PLXDC2: variants seen among roughly 807,000 people sequenced by gnomAD.
PLXDC2 encodes the protein plexin domain-containing protein 2.
A neutral mutation model predicts 68.9 loss-of-function variants in PLXDC2; 40 were observed. The observed-to-expected ratio is 0.58, with a 90% CI of 0.45 to 0.76. The LOEUF (loss-of-function observed/expected upper bound fraction) is 0.76. Ranked by LOEUF, PLXDC2 falls within the 30% of genes least tolerant of loss-of-function variation. The pLI, the probability that PLXDC2 is intolerant of heterozygous loss-of-function variation, is 0.00. For missense variants in PLXDC2, 644 were observed against 661.9 expected (o/e 0.97, Z 0.30); for synonymous variants, 243 against 234.2 (o/e 1.04, Z -0.34).
At chr10:20,012,300 TCTC>T (rs1471984243) in intron 2 of PLXDC2, among the ~76,000 whole-genome samples, 88 of 115,600 alleles carry the variant, frequency 7.6e-4, no homozygotes, top group African/African-American at 1.4e-3. Flanking sequence ...TCTCTCTCTC[TCTC>T]TTTTTTATTT....
intron 1 of PLXDC2, among the ~76,000 whole-genome samples, chr10:19,830,704 C>T (rs1275391103): frequency 6.6e-6 from 1 of 151,666 alleles, no homozygotes; most frequent in African/African-American, 2.4e-5. Flanking sequence ...CTCAGGCTAA[C>T]TGGTCTTTCT....
chr10:19,952,592 C>T (rs1028252797), intron 1 of PLXDC2, among the ~76,000 whole-genome samples: 3 of 152,184 alleles, frequency 2.0e-5, no homozygotes, highest in Non-Finnish European at 4.4e-5. Context: ...GCATGCCAGA[C>T]TTATTCAGAG....
At chr10:20,155,398 G>T (rs1345109548) in intron 6 of PLXDC2, among the ~76,000 whole-genome samples, 1 of 152,188 alleles carries the variant, frequency 6.6e-6, no homozygotes, top group Non-Finnish European at 1.5e-5. Context: ...TGCTACATCT[G>T]TGAGAATACT....
intron 1 of PLXDC2, among the ~76,000 whole-genome samples, chr10:19,835,378 A>AT (rs1836770607): frequency 6.6e-6 from 1 of 152,184 alleles, no homozygotes; most frequent in Non-Finnish European, 1.5e-5. Flanking sequence ...CAGGCTTCAG[A>AT]TAAGAGGAGG....
At chr10:19,907,797 C>T (rs553719482) in intron 1 of PLXDC2, among the ~76,000 whole-genome samples, 7 of 152,250 alleles carry the variant, frequency 4.6e-5, no homozygotes, top group South Asian at 2.1e-4. Flanking sequence ...AAAGGGGTAT[C>T]GGACTGGCTA....
At chr10:19,962,279 A>T (rs1304895737) in intron 1 of PLXDC2, among the ~76,000 whole-genome samples, 1 of 149,814 alleles carries the variant, frequency 6.7e-6, no homozygotes. Context: ...CCTCTGTTTG[A>T]AACTAGGATT....
At chr10:20,144,736 C>T (rs536028700) in intron 5 of PLXDC2, among the ~76,000 whole-genome samples, 32 of 152,192 alleles carry the variant, frequency 2.1e-4, no homozygotes, top group African/African-American at 6.0e-4. Context: ...GTCTATCCTA[C>T]GGAAACAATA....
chr10:20,109,347 C>T (rs1174891411), intron 4 of PLXDC2, among the ~76,000 whole-genome samples: 1 of 152,140 alleles, frequency 6.6e-6, no homozygotes, highest in Non-Finnish European at 1.5e-5. Flanking sequence ...TGCTGTCTGC[C>T]ATGGGAATTG....
chr10:20,054,136 G>A (rs1301906186), intron 3 of PLXDC2, among the ~76,000 whole-genome samples: 2 of 151,984 alleles, frequency 1.3e-5, no homozygotes, highest in Non-Finnish European at 2.9e-5. Context: ...AGCAGAGTGG[G>A]CGTCAGTGGA....
At chr10:20,161,452 T>C (rs1834290365) in intron 6 of PLXDC2, among the ~76,000 whole-genome samples, 1 of 133,484 alleles carries the variant, frequency 7.5e-6, no homozygotes, top group African/African-American at 2.8e-5. Flanking sequence ...TCTCTCTCTC[T>C]CTTTTTTTTT....
At chr10:20,035,230 C>G (rs980266305) in intron 2 of PLXDC2, among the ~76,000 whole-genome samples, 1 of 152,046 alleles carries the variant, frequency 6.6e-6, no homozygotes, top group Non-Finnish European at 1.5e-5. Context: ...GACATCAAAC[C>G]TCCTAGAAAA....
At chr10:20,119,812 T>C (rs902503849) in intron 4 of PLXDC2, among the ~76,000 whole-genome samples, 8 of 151,892 alleles carry the variant, frequency 5.3e-5, no homozygotes, top group African/African-American at 1.9e-4. Context: ...TGTGGATTGT[T>C]AGAAGAAACA....
At chr10:20,092,309 G>T (rs934984083) in intron 4 of PLXDC2, among the ~76,000 whole-genome samples, 2 of 152,084 alleles carry the variant, frequency 1.3e-5, no homozygotes, top group African/African-American at 4.8e-5. Context: ...TTCAAAGTCT[G>T]TAGCACTGAT....
chr10:20,231,455 A>G (rs986683256), intron 12 of PLXDC2, among the ~76,000 whole-genome samples: 1 of 151,570 alleles, frequency 6.6e-6, no homozygotes, highest in Non-Finnish European at 1.5e-5. Flanking sequence ...AAAGGATTAG[A>G]AAGGAAAAAA....
At chr10:20,194,463 G>A (rs1324807204) in intron 9 of PLXDC2, among the ~76,000 whole-genome samples, 4 of 151,898 alleles carry the variant, frequency 2.6e-5, no homozygotes, top group African/African-American at 4.8e-5. Flanking sequence ...TTGAACAATG[G>A]CTATTTTCAA....
chr10:20,278,705 G>A (rs1836041323), intron 13 of PLXDC2, among the ~76,000 whole-genome samples: 1 of 152,024 alleles, frequency 6.6e-6, no homozygotes, highest in Admixed American at 6.6e-5. Flanking sequence ...ACATTGGCAT[G>A]TAATTGGAAA....
chr10:20,087,068 T>C (rs1833209158), intron 4 of PLXDC2, among the ~76,000 whole-genome samples: 1 of 152,208 alleles, frequency 6.6e-6, no homozygotes, highest in Non-Finnish European at 1.5e-5. Context: ...TAAAAAACAA[T>C]GTCAAAAAGA....
chr10:20,093,428 A>C (rs1833307221), intron 4 of PLXDC2, among the ~76,000 whole-genome samples: 1 of 152,122 alleles, frequency 6.6e-6, no homozygotes, highest in Non-Finnish European at 1.5e-5. Context: ...GCCATTGGCA[A>C]ATTTGGATTC....
At chr10:20,123,216 A>G (rs898474634) in intron 4 of PLXDC2, among the ~76,000 whole-genome samples, 1 of 152,110 alleles carries the variant, frequency 6.6e-6, no homozygotes, top group Admixed American at 6.6e-5. Context: ...GGCGAGGAGC[A>G]GCCTGGGGAG....
Sources: gnomAD v4.1 joint callset for allele counts (sites outside exome capture counted in the v4.1 genomes callset) on GRCh38, gnomAD v4.1.1 for gene constraint, MANE v1.5 for transcripts, NCBI Gene and HGNC (gene_info 2026-07-23, HGNC 2026-07-21) for gene names.